Variants in COX15 observed in about 807,000 individuals in gnomAD.
COX15 encodes heme A synthase COX15.
COX15 carries 51 observed loss-of-function variants against 51.9 expected under a neutral mutation model. The ratio of observed to expected loss-of-function variants is 0.98; its 90% CI spans 0.78 to 1.24. The LOEUF is 1.24. Ranked by LOEUF, COX15 falls within the 50% of genes most tolerant of loss-of-function variation. The pLI, the probability that COX15 is intolerant of heterozygous loss-of-function variation, is 0.00. For synonymous variants in COX15, 188 were observed against 190.5 expected (o/e 0.99, Z 0.11); for missense variants, 420 against 501.1 (o/e 0.84, Z 1.55).
chr10:99,696,057 C>T, the COX15 span: 4,459 of 1,614,130 alleles, frequency 2.8e-3, 105 homozygotes, highest in African/African-American at 0.049. Context: ...TTCTGGGTTT[C>T]GGAGGCAACT....
the COX15 span, among the ~76,000 whole-genome samples, chr10:99,703,152 C>G: frequency 6.6e-6 from 1 of 152,174 alleles, no homozygotes; most frequent in Non-Finnish European, 1.5e-5. Context: ...GAATAAAGGA[C>G]GTGAGATGTT....
At chr10:99,721,802 A>C (rs1176987186) in intron 5 of COX15, among the ~76,000 whole-genome samples, 1 of 152,100 alleles carries the variant, frequency 6.6e-6, no homozygotes, top group Non-Finnish European at 1.5e-5. Flanking sequence ...ACTGAAAATT[A>C]AATAAAAAAT....
intron 4 of COX15, among the ~76,000 whole-genome samples, chr10:99,725,783 C>T (rs1460587660): frequency 6.6e-6 from 1 of 152,234 alleles, no homozygotes; most frequent in Non-Finnish European, 1.5e-5. Context: ...TGGTCTGGAA[C>T]TCCTGATCCC....
At position 99,710,976 on chromosome 10, in the gene COX15, G is replaced by A. The variant is rs1451326305; in HGVS notation, c.*3611C>T. ...GAAATCTATTTAATCCTATAGGTATGTGATGACTTGTTTTTTTGGAAAAAG... is the reference window on the plus strand; with the variant it reads ...GAAATCTATTTAATCCTATAGGTATATGATGACTTGTTTTTTTGGAAAAAG... On this transcript the variant is annotated 3_prime_UTR_variant, in exon 9 of 9. Transcript: ENST00000016171. The A allele has an allele frequency of 1.0e-6, 1 of 985,128 alleles. No homozygotes were observed. The highest frequency in any genetic ancestry group is 1.2e-6 in the Non-Finnish European group (1 of 829,802). 61.0% of individuals were successfully genotyped at this position (985,128 alleles called of 1,614,324 possible). A position where few individuals can be genotyped will look rare whatever the true frequency, so the allele number is the denominator to read the frequency against.
chr10:99,722,132 C>G (rs1436642202), intron 5 of COX15, among the ~76,000 whole-genome samples: 1 of 152,186 alleles, frequency 6.6e-6, no homozygotes, highest in Non-Finnish European at 1.5e-5. Context: ...TCCCAAAGTG[C>G]TGGGATTACA....
At chr10:99,707,281 G>T (rs1197504036), downstream of COX15, among the ~76,000 whole-genome samples, 1 of 152,074 alleles carries the variant, frequency 6.6e-6, no homozygotes, top group East Asian at 1.9e-4. Context: ...GGAAAATTTT[G>T]TCATATCCCT....
In COX15 at chr10:99,718,447, T is replaced by C. The variant is rs762093394; in HGVS notation, c.886A>G (p.Met296Val). Residue 296 changes from methionine (M) to valine (V), a missense_variant, in exon 7 of 9, where the codon ATG (methionine) becomes GTG (valine). Coordinates refer to ENST00000016171, the MANE Select transcript of COX15 (RefSeq NM_078470.6). ...TCCTCCGGGATCCAGGATTCTCCCA[T>C]TTTGGGAAAGGAGTTATAAACAAGC... is the stretch of plus-strand genomic sequence containing the variant. ...AGLVYNSFPK[M>V]GESWIPEDLF... 1 of 1,614,126 alleles carries C rather than the reference T, an allele frequency of 6.2e-7. No homozygotes were observed. Among genetic ancestry groups the C allele is most frequent in the Non-Finnish European group, 8.5e-7 (1 of 1,180,018 alleles).
the COX15 span, among the ~76,000 whole-genome samples, chr10:99,700,485 AG>A: frequency 8.0e-5 from 12 of 150,244 alleles, no homozygotes; most frequent in Non-Finnish European, 1.2e-4. Flanking sequence ...AAGCTTCCTG[AG>A]GACAGGAATT....
intron 8 of COX15, 137 bp downstream of exon 8, chr10:99,716,211 C>T: frequency 4.2e-6 from 3 of 715,978 alleles, no homozygotes. Context: ...CCAGGCTAGT[C>T]TTGAATTCCT....
At chr10:99,714,841 A>C (rs1465945454) in intron 8 of COX15, 123 bp from the exon 9 acceptor site, 2 of 1,520,322 alleles carry the variant, frequency 1.3e-6, no homozygotes, top group Non-Finnish European at 1.8e-6. Flanking sequence ...TAAAATACAC[A>C]CATTTTTAAT....
intron 8 of COX15, 60 bp from the exon 9 acceptor site, chr10:99,714,778 G>A (rs1329857616): frequency 1.2e-6 from 2 of 1,605,944 alleles, no homozygotes; most frequent in Non-Finnish European, 1.7e-6. Flanking sequence ...CATTGAAAAT[G>A]GCCAGGCGTG....
downstream of COX15, chr10:99,710,174 C>T (rs1270585740): frequency 1.0e-6 from 1 of 985,308 alleles, no homozygotes; most frequent in Non-Finnish European, 1.2e-6. Context: ...TGGTACTTTC[C>T]TAAGTGGCCC....
At chr10:99,716,532 C>G in intron 7 of COX15, 71 bp from the exon 8 acceptor site, 1 of 1,038,356 alleles carries the variant, frequency 9.6e-7, no homozygotes. Context: ...CATGTATCTC[C>G]TCTAGAACCA....
rs953661817 is a variant in COX15 at position 99,724,739 on chromosome 10, A to G, written c.583-616T>C. 3.2e-4 allele frequency among the ~76,000 whole-genome samples: 49 copies of G among 152,318 alleles called. 1 individual carries two copies. In the Middle Eastern group the frequency reaches 0.014, roughly 42 times the overall value. On this transcript the variant is annotated intron_variant, in intron 4 of 8. Coordinates refer to ENST00000016171, the MANE Select transcript of COX15 (RefSeq NM_078470.6). Reference sequence around the variant, plus strand: ...CTAACAGTAGCTGATGAGCTTTAAAAAAAAAAAAAGGTCCATGGATATATC... The same window carrying G: ...CTAACAGTAGCTGATGAGCTTTAAAGAAAAAAAAAGGTCCATGGATATATC...
intron 1 of COX15, 58 bp downstream of exon 1, chr10:99,731,902 C>T: frequency 6.4e-7 from 1 of 1,555,554 alleles, no homozygotes; most frequent in Non-Finnish European, 8.7e-7. Context: ...TTATCTTTAT[C>T]CCGGCCCTTT....
chr10:99,700,239 A>AT, the COX15 span, among the ~76,000 whole-genome samples: 1 of 151,964 alleles, frequency 6.6e-6, no homozygotes, highest in Non-Finnish European at 1.5e-5. Flanking sequence ...GGTAAAAGCG[A>AT]TTTTTTTCCC....
downstream of COX15, among the ~76,000 whole-genome samples, chr10:99,708,415 A>G (rs2036293338): frequency 2.6e-5 from 4 of 152,204 alleles, 1 homozygote; most frequent in South Asian, 6.2e-4. Flanking sequence ...GGGAAAGAAC[A>G]GTAGGCTTAA....
Position 99,713,198 on chromosome 10 carries a change from T to C in COX15, c.*1389A>G, listed in dbSNP as rs2036452122. 1.4e-6 allele frequency: 2 copies of C among 1,386,068 alleles called. No homozygotes were observed. Among genetic ancestry groups the C allele is most frequent in the Non-Finnish European group, 1.9e-6 (2 of 1,059,266 alleles). The allele number at this position is 1,386,068 out of a possible 1,614,324, so 85.9% of individuals were successfully genotyped here. ...AACAACATGAATACTACTTGGTTCA[T>C]ATTGAACCTGAGGACAACTAAAATC... is the stretch of plus-strand genomic sequence containing the variant. On this transcript the variant is annotated 3_prime_UTR_variant, in exon 9 of 9. Transcript: ENST00000016171.
At chr10:99,698,564 C>T in the COX15 span, 286 of 1,613,982 alleles carry the variant, frequency 1.8e-4, 1 homozygote, top group African/African-American at 3.0e-3. Flanking sequence ...GTCTGAGTCC[C>T]GACAATCCAT....
Sources: gnomAD v4.1 joint callset for allele counts (sites outside exome capture counted in the v4.1 genomes callset) on GRCh38, gnomAD v4.1.1 for gene constraint, MANE v1.5 for transcripts, NCBI Gene and HGNC (gene_info 2026-07-23, HGNC 2026-07-21) for gene names.